The following FRY variants were observed in gnomAD, a reference collection of about 807,000 sequenced individuals.
The protein encoded by FRY is protein furry homolog.
FRY carries 128 observed loss-of-function variants against 348.4 expected under a neutral mutation model. The observed-to-expected ratio is 0.37, with a 90% confidence interval of 0.32 to 0.43. The LOEUF (loss-of-function observed/expected upper bound fraction) is 0.43. Ranked by LOEUF, FRY falls within the 20% of genes least tolerant of loss-of-function variation. The pLI, the probability that FRY is intolerant of heterozygous loss-of-function variation, is 1.00. For synonymous variants in FRY, 1,370 were observed against 1,374.7 expected (o/e 1.00, Z 0.08); for missense variants, 2,736 against 3,695.2 (o/e 0.74, Z 6.73).
intron 11 of FRY, among the ~76,000 whole-genome samples, chr13:32,140,726 A>G (rs1880012879): frequency 6.6e-6 from 1 of 152,218 alleles, no homozygotes; most frequent in African/African-American, 2.4e-5. Flanking sequence ...AAATCTCAAA[A>G]CAAGTGTGGT....
At chr13:32,107,925 T>A (rs1382697831) in intron 3 of FRY, among the ~76,000 whole-genome samples, 3 of 152,222 alleles carry the variant, frequency 2.0e-5, no homozygotes, top group Non-Finnish European at 4.4e-5. Context: ...CTATCACTAT[T>A]TATTTTAAAT....
intron 2 of FRY, among the ~76,000 whole-genome samples, chr13:32,084,125 T>C (rs544968818): frequency 4.6e-5 from 7 of 152,178 alleles, no homozygotes; most frequent in Non-Finnish European, 1.0e-4. Flanking sequence ...CCTGCCTGTG[T>C]CCTCTGCAGA....
intron 7 of FRY, among the ~76,000 whole-genome samples, chr13:32,130,652 T>C (rs73167140): frequency 0.089 from 13,539 of 152,200 alleles, 766 homozygotes; most frequent in Admixed American, 0.13. Context: ...TTGTTGTAAT[T>C]AGTATTATTT....
At chr13:32,105,920 C>T (rs1338252094) in intron 3 of FRY, among the ~76,000 whole-genome samples, 1 of 151,822 alleles carries the variant, frequency 6.6e-6, no homozygotes, top group Non-Finnish European at 1.5e-5. Flanking sequence ...GATTCATTTT[C>T]TTCTTGCTAG....
At position 32,294,563 on chromosome 13, in the gene FRY, G is replaced by T; in HGVS notation, c.8776G>T (p.Glu2926Ter). The T allele has an allele frequency of 6.2e-7, 1 of 1,612,690 alleles. No homozygotes were observed. The highest frequency in any genetic ancestry group is 8.5e-7 in the Non-Finnish European group (1 of 1,178,678). The change falls in exon 60 of 61, where the codon GAG (glutamate) becomes TAG (stop). Residue 2926 changes from glutamate (E) to a stop codon, truncating the protein, a stop_gained. Coordinates refer to ENST00000542859, the MANE Select transcript of FRY (RefSeq NM_023037.3). LOFTEE classifies it high-confidence loss of function. ...ELGKALRQIR[E>*]CRSLWPNDIF... ...CGGCAAAGCTTTGCGGCAGATCAGG[G>T]AGTGCAGGTGACTCTGCTATTTCTT...
chr13:32,061,250 C>T (rs957716303), intron 1 of FRY: 16 of 488,914 alleles, frequency 3.3e-5, no homozygotes, highest in South Asian at 2.3e-4. Flanking sequence ...AAGGTTTCAG[C>T]GGATGGGGGT....
At chr13:32,181,258 A>C (rs1882689671) in intron 23 of FRY, among the ~76,000 whole-genome samples, 1 of 152,078 alleles carries the variant, frequency 6.6e-6, no homozygotes, top group Admixed American at 6.5e-5. Flanking sequence ...CCAGAGTTTT[A>C]CTAGTTATTG....
intron 7 of FRY, among the ~76,000 whole-genome samples, chr13:32,126,800 TTCC>T (rs1432749071): frequency 3.3e-5 from 5 of 152,230 alleles, no homozygotes; most frequent in Non-Finnish European, 7.3e-5. Flanking sequence ...GTTTCCTTCA[TTCC>T]CAGGGTGGGA....
intron 31 of FRY, 50 bp from the exon 32 acceptor site, chr13:32,208,803 T>C: frequency 6.2e-7 from 1 of 1,610,554 alleles, no homozygotes; most frequent in East Asian, 2.2e-5. Flanking sequence ...TTCCATTTAT[T>C]TTGGTGGAAT....
At position 32,254,387 on chromosome 13, in the gene FRY, A is replaced by G; in HGVS notation, c.7409A>G (p.Asp2470Gly). ...DFDFLDVELE[D>G]GEGESMDNFN... is the part of the protein sequence containing the mutation. Reference sequence around the variant, plus strand: ...GACTTCCTAGATGTGGAGCTGGAGGATGGAGAGGTACGGTGTATTCTCTGT... The same window carrying G: ...GACTTCCTAGATGTGGAGCTGGAGGGTGGAGAGGTACGGTGTATTCTCTGT... The change falls in exon 51 of 61, where the codon GAT becomes GGT. Residue 2470 changes from aspartate (D) to glycine (G), a missense_variant. Physicochemically the swap from Asp to Gly is moderately conservative, Grantham distance 94 (BLOSUM62 -1). Coordinates refer to ENST00000542859, the MANE Select transcript of FRY (RefSeq NM_023037.3). 6.2e-7 allele frequency: 1 copy of G among 1,613,812 alleles called. No individual in the cohort carries two copies. The highest frequency in any genetic ancestry group is 8.5e-7 in the Non-Finnish European group (1 of 1,179,712).
intron 17 of FRY, among the ~76,000 whole-genome samples, chr13:32,164,144 G>A (rs1881601766): frequency 6.6e-6 from 1 of 152,142 alleles, no homozygotes; most frequent in Admixed American, 6.5e-5. Context: ...GAGGACAAAA[G>A]TGAAGTAATT....
chr13:32,252,026 C>T (rs954952270), intron 50 of FRY, 74 bp downstream of exon 50: 13 of 1,031,298 alleles, frequency 1.3e-5, no homozygotes, highest in Non-Finnish European at 2.0e-5. Context: ...TGCCTTTGGT[C>T]ATATAATTTA....
At chr13:32,258,733 T>TA (rs545444793) in intron 51 of FRY, among the ~76,000 whole-genome samples, 4 of 147,472 alleles carry the variant, frequency 2.7e-5, no homozygotes, top group Non-Finnish European at 5.9e-5. Context: ...AGTGACTAGA[T>TA]AACTTTTCAT....
intron 53 of FRY, 104 bp from the exon 54 acceptor site, chr13:32,265,346 C>A: frequency 9.0e-7 from 1 of 1,106,328 alleles, no homozygotes; most frequent in Non-Finnish European, 1.4e-6. Flanking sequence ...CCATTTCTAT[C>A]ACCATCAGCA....
chr13:32,247,454 C>A lies in FRY; in HGVS notation c.6960C>A (p.Ser2320=). Residue 2320 remains serine, a synonymous_variant, in exon 48 of 61, where the codon TCC becomes TCA. Coordinates refer to ENST00000542859, the MANE Select transcript of FRY (RefSeq NM_023037.3). ...TACATCGAGTGTGGACTAGTGCTTC[C>A]AAGGAATTACCTGGGAAAACCCTGG... ...IEIHRVWTSA[S]KELPGKTLDF... is the part of the protein sequence containing the mutation. The A allele has an allele frequency of 6.2e-7, 1 of 1,613,568 alleles. No individual in the cohort carries two copies. Among genetic ancestry groups the A allele is most frequent in the Non-Finnish European group, 8.5e-7 (1 of 1,179,512 alleles).
At chr13:32,164,853 G>A (rs1447335887) in intron 17 of FRY, among the ~76,000 whole-genome samples, 1 of 152,144 alleles carries the variant, frequency 6.6e-6, no homozygotes, top group African/African-American at 2.4e-5. Flanking sequence ...TCTGTCATTT[G>A]ACCACAAGAG....
At position 32,117,385 on chromosome 13, in the gene FRY, C is replaced by T. The variant is rs779539037; in HGVS notation, c.376C>T (p.Arg126Cys). The T allele has an allele frequency of 8.1e-6, 13 of 1,613,230 alleles. No individual in the cohort carries two copies. The highest frequency in any genetic ancestry group is 4.4e-5 in the South Asian group (4 of 91,072). The part of the protein sequence containing the change: ...LSEYCLPSIL[R>C]TLFDWYKRQN... The stretch of plus-strand genomic sequence containing the variant: ...TGAGTACTGCCTGCCTTCCATTCTA[C>T]GTACATTATTTGACTGGTATAAAAG... Residue 126 changes from arginine to cysteine, a missense_variant, in exon 4 of 61, where the codon CGT (arginine) becomes TGT (cysteine). By Grantham distance (180) the Arg-to-Cys change is radical. Around this residue, in one of 9 missense-constraint regions of FRY, gnomAD observed 309 missense variants for 418.1 expected, o/e 0.74. Transcript: ENST00000542859.
In FRY at chr13:32,224,313, G is replaced by T; in HGVS notation, c.4844G>T (p.Cys1615Phe). 1 of 1,614,006 alleles carries T rather than the reference G, an allele frequency of 6.2e-7. No homozygotes were observed. Among genetic ancestry groups the T allele is most frequent in the Non-Finnish European group, 8.5e-7 (1 of 1,179,958 alleles). ...TKQPQPLPMP[C>F]TGGCWAPLVD... ...CAGCCGCAGCCCTTACCGATGCCTT[G>T]TACTGGAGGATGCTGGGCCCCCCTG... Residue 1615 changes from cysteine to phenylalanine, a missense_variant, in exon 37 of 61, where the codon TGT becomes TTT. Physicochemically the swap from Cys to Phe is radical, Grantham distance 205. Transcript: ENST00000542859.
At chr13:32,162,467 A>G (rs916398918) in intron 17 of FRY, among the ~76,000 whole-genome samples, 61 of 152,116 alleles carry the variant, frequency 4.0e-4, no homozygotes, top group Admixed American at 3.9e-3. Flanking sequence ...TATTGTGGTC[A>G]TGGTCCTCTC....
Sources: gnomAD v4.1 joint callset for allele counts (sites outside exome capture counted in the v4.1 genomes callset) on GRCh38, gnomAD v4.1.1 for gene constraint, gnomAD v4.1.1 regional missense constraint, MANE v1.5 for transcripts, NCBI Gene and HGNC (gene_info 2026-07-23, HGNC 2026-07-21) for gene names.